MED12: variants seen among roughly 807,000 people sequenced by gnomAD.
MED12 encodes mediator of RNA polymerase II transcription subunit 12.
MED12 carries 10 observed loss-of-function variants against 177.7 expected under a neutral mutation model. The observed-to-expected ratio is 0.06, with a 90% confidence interval of 0.03 to 0.10. The LOEUF is 0.10. Ranked by LOEUF, MED12 falls within the 10% of genes least tolerant of loss-of-function variation. The probability of loss-of-function intolerance (pLI) is 1.00; values close to 1 mark genes in which losing one functional copy is unlikely to be tolerated. For missense variants in MED12, 867 were observed against 1,780.8 expected, an observed-to-expected ratio of 0.49 and a Z score of 9.23; for synonymous variants, 641 against 678.4, an observed-to-expected ratio of 0.94 and a Z score of 0.86.
rs1266001762 is a variant in MED12 at position 71,133,103 on chromosome X, T to G, written c.4528-20T>G. On this transcript the variant is annotated intron_variant, in intron 32 of 44. Transcript: ENST00000374080. Reference sequence around the variant, plus strand: ...ACACGAAGATCCCTGAGCTGCATATTTTATTTGTTTCTATTCTAGATTGTG... The same window carrying G: ...ACACGAAGATCCCTGAGCTGCATATGTTATTTGTTTCTATTCTAGATTGTG... 20 of 1,136,724 alleles carry G rather than the reference T, an allele frequency of 1.8e-5. No individual in the cohort carries two copies. The highest frequency in any genetic ancestry group is 2.4e-5 in the Non-Finnish European group (20 of 827,331). The allele number at this position is 1,136,724 out of a possible 1,213,427, so 93.7% of individuals were successfully genotyped here.
chrX:71,119,402 A>G lies in MED12; in HGVS notation c.129A>G (p.Gln43=), dbSNP rs780634712. 10 of 1,199,897 alleles carry G rather than the reference A, an allele frequency of 8.3e-6. No homozygotes were observed. Among genetic ancestry groups the G allele is most frequent in the Middle Eastern group, 2.4e-4 (1 of 4,113 alleles). ...AACTGACGGCCTTGAATGTAAAACA[A>G]GGTTTCAATAACCAGCCTGCTGTCT... ...EDELTALNVK[Q]GFNNQPAVSG... is the part of the protein sequence containing the mutation. The change falls in exon 2 of 45, where the codon CAA becomes CAG. Residue 43 remains glutamine (Q), a synonymous_variant. Transcript: ENST00000374080.
rs769374417 is a variant in MED12 at position 71,141,610 on chromosome X, G to A, written c.6408+240G>A. 2.7e-5 allele frequency among the ~76,000 whole-genome samples: 3 copies of A among 112,065 alleles called. No homozygotes were observed. The East Asian group carries it at 8.4e-4, about 31-fold the overall frequency. The stretch of plus-strand genomic sequence containing the variant: ...TCAAGACCAGCCTGGCCAAGATGGT[G>A]AAACCCCGTCTCTACTAAAAATACA... On this transcript the variant is annotated intron_variant, in intron 43 of 44. Transcript: ENST00000374080.
At position 71,125,011 on chromosome X, in the gene MED12, C is replaced by T. The variant is rs2147791557; in HGVS notation, c.2091C>T (p.Gly697=). The T allele has an allele frequency of 1.7e-6, 2 of 1,211,025 alleles. No individual in the cohort carries two copies. The highest frequency in any genetic ancestry group is 1.1e-6 in the Non-Finnish European group (1 of 895,245). The change falls in exon 15 of 45, where the codon GGC becomes GGT. Residue 697 remains glycine (G), a synonymous_variant. Coordinates refer to ENST00000374080, the MANE Select transcript of MED12 (RefSeq NM_005120.3). ...CTACTATGCCCTGTGAGGGGAAGGG[C>T]AGTCCATCCCCTGAGAAGCCAGATG... ...FSPTMPCEGK[G]SPSPEKPDVE...
chrX:71,128,148 C>T lies in MED12; in HGVS notation c.3209+28C>T, dbSNP rs775882602. 3.4e-6 allele frequency: 4 copies of T among 1,189,280 alleles called. No individual in the cohort carries two copies. In the African/African-American group the frequency reaches 7.1e-5, roughly 21 times the overall value. ...ATGGGGTGTACTGAGTGAGGAAGGGCACCATGCCCCCATCTGAGATAGGGA... is the reference window on the plus strand; with the variant it reads ...ATGGGGTGTACTGAGTGAGGAAGGGTACCATGCCCCCATCTGAGATAGGGA... On this transcript the variant is annotated intron_variant, in intron 22 of 44. Transcript: ENST00000374080.
intron 41 of MED12, among the ~76,000 whole-genome samples, chrX:71,140,110 C>G (rs1288018650): frequency 1.2e-5 from 1 of 86,866 alleles, no homozygotes; most frequent in Non-Finnish European, 2.2e-5. Context: ...GATGGAGTCT[C>G]GCTCTGTCAT....
Position 71,137,711 on chromosome X carries a change from C to T in MED12, c.5827-15C>T, listed in dbSNP as rs1234497074. 9.1e-6 allele frequency: 11 copies of T among 1,206,779 alleles called. No homozygotes were observed. In the Middle Eastern group the frequency reaches 6.9e-4, roughly 75 times the overall value. Reference sequence around the variant, plus strand: ...TACTCTCGGCCCTGATTCCCTCTCTCCTTCTTCCCTCCAGGGCTATACTCC... The same window carrying T: ...TACTCTCGGCCCTGATTCCCTCTCTTCTTCTTCCCTCCAGGGCTATACTCC... On this transcript the variant is annotated splice_polypyrimidine_tract_variant and intron_variant, in intron 40 of 44. Coordinates refer to ENST00000374080, the MANE Select transcript of MED12 (RefSeq NM_005120.3).
chrX:71,123,254 A>G, intron 11 of MED12, 28 bp downstream of exon 11: 1 of 1,209,441 alleles, frequency 8.3e-7, no homozygotes, highest in Non-Finnish European at 1.1e-6. Context: ...AGAGAACAAG[A>G]TTGGCCAATG....
intron 29 of MED12, among the ~76,000 whole-genome samples, 198 bp downstream of exon 29, chrX:71,131,819 G>C (rs910405557): frequency 9.0e-6 from 1 of 111,293 alleles, no homozygotes; most frequent in Admixed American, 9.5e-5. Context: ...GAGCTGTGGG[G>C]AAGCTTGGTG....
At chrX:71,137,982 G>A (rs1179030939) in intron 41 of MED12, 39 bp downstream of exon 41, 1 of 1,160,636 alleles carries the variant, frequency 8.6e-7, no homozygotes, top group Non-Finnish European at 1.2e-6. Context: ...AGATGCAGAG[G>A]TATAAGGGAG....
intron 21 of MED12, 117 bp from the exon 22 acceptor site, chrX:71,127,776 C>G: frequency 5.1e-6 from 3 of 583,533 alleles, no homozygotes; most frequent in Non-Finnish European, 8.7e-6. Flanking sequence ...CTTTTCTTGT[C>G]TCAAGATCCT....
intron 21 of MED12, 58 bp from the exon 22 acceptor site, chrX:71,127,835 C>T: frequency 2.2e-6 from 2 of 891,906 alleles, no homozygotes; most frequent in Admixed American, 4.7e-5. Context: ...TCCTGACCAT[C>T]CCTCGACCTC....
intron 28 of MED12, among the ~76,000 whole-genome samples, chrX:71,130,439 C>G (rs1305590821): frequency 8.9e-6 from 1 of 112,599 alleles, no homozygotes; most frequent in African/African-American, 3.2e-5. Flanking sequence ...GCATAGCTAT[C>G]TGGAGTGAAT....
chrX:71,140,979 G>A (rs2147840769), intron 42 of MED12, 122 bp downstream of exon 42: 1 of 1,148,409 alleles, frequency 8.7e-7, no homozygotes, highest in Non-Finnish European at 1.2e-6. Flanking sequence ...CAGAGCGGCT[G>A]GCCTCTAGTG....
intron 42 of MED12, 125 bp downstream of exon 42, chrX:71,140,982 C>A: frequency 8.7e-7 from 1 of 1,151,743 alleles, no homozygotes; most frequent in Non-Finnish European, 1.2e-6. Context: ...AGCGGCTGGC[C>A]TCTAGTGGTG....
In MED12 at chrX:71,130,067, G is replaced by A. The variant is rs763090662; in HGVS notation, c.3900G>A (p.Leu1300=). Reference sequence around the variant, plus strand: ...TAGGAGAACGTTGCCTTAAGTCTCTGTGTGAGGACAGCAATGACCTGCAAG... The same window carrying A: ...TAGGAGAACGTTGCCTTAAGTCTCTATGTGAGGACAGCAATGACCTGCAAG... The part of the protein sequence containing the change: ...EWVGERCLKS[L]CEDSNDLQDP... Residue 1300 remains leucine (L), a synonymous_variant, in exon 28 of 45, where the codon CTG becomes CTA. Transcript: ENST00000374080. 8.3e-7 allele frequency: 1 copy of A among 1,210,026 alleles called. No homozygotes were observed. Among genetic ancestry groups the A allele is most frequent in the South Asian group, 1.8e-5 (1 of 56,405 alleles).
chrX:71,131,245 C>T (rs767350460), intron 28 of MED12, among the ~76,000 whole-genome samples: 1 of 108,507 alleles, frequency 9.2e-6, no homozygotes, highest in East Asian at 2.9e-4. Context: ...TCTCCTGCCT[C>T]AGCCTCCTGA....
Position 71,137,650 on chromosome X carries a change from T to C in MED12, c.5826+15T>C. Reference sequence around the variant, plus strand: ...AGACTTCCCAGGTAAGAGCCTGGGATTGTGAGACTAGGGGGATGAGGCAAG... The same window carrying C: ...AGACTTCCCAGGTAAGAGCCTGGGACTGTGAGACTAGGGGGATGAGGCAAG... On this transcript the variant is annotated intron_variant, in intron 40 of 44. Coordinates refer to ENST00000374080, the MANE Select transcript of MED12 (RefSeq NM_005120.3). 8.3e-7 allele frequency: 1 copy of C among 1,204,805 alleles called. No homozygotes were observed. Among genetic ancestry groups the C allele is most frequent in the Non-Finnish European group, 1.1e-6 (1 of 889,828 alleles).
intron 19 of MED12, 49 bp from the exon 20 acceptor site, chrX:71,126,920 G>A (rs1185987018): frequency 8.5e-7 from 1 of 1,177,812 alleles, no homozygotes. Context: ...TGGTTTCTAT[G>A]TAACACAAGG....
At chrX:71,126,562 G>T (rs754690272) in intron 19 of MED12, 78 bp downstream of exon 19, 1 of 1,114,724 alleles carries the variant, frequency 9.0e-7, no homozygotes, top group Middle Eastern at 2.5e-4. Flanking sequence ...AAGGACAGGC[G>T]TAGAGGCTCC....
Sources: gnomAD v4.1 joint callset for allele counts (sites outside exome capture counted in the v4.1 genomes callset) on GRCh38, gnomAD v4.1.1 for gene constraint, MANE v1.5 for transcripts, NCBI Gene and HGNC (gene_info 2026-07-23, HGNC 2026-07-21) for gene names.